Variants in RASL12 observed in about 807,000 individuals in gnomAD.
RASL12 encodes the protein RAS like family 12.
A neutral mutation model predicts 22.9 loss-of-function variants in RASL12; 16 were observed. The observed-to-expected ratio is 0.70, with a 90% CI of 0.47 to 1.06. RASL12 has a LOEUF of 1.06. RASL12 is among the 50% of genes least tolerant of loss of function. The pLI is 0.00. For missense variants in RASL12, 306 were observed against 353.1 expected (o/e 0.87, Z 1.07); for synonymous variants, 159 against 152.2 (o/e 1.04, Z -0.33).
intron 1 of RASL12, chr15:65,076,439 G>A (rs1271576704): frequency 3.4e-6 from 2 of 580,186 alleles, no homozygotes; most frequent in Non-Finnish European, 6.1e-6. Flanking sequence ...GCGAGACCAT[G>A]AACCCACCAG....
At chr15:65,067,681 C>T (rs925254399) in intron 1 of RASL12, 52 bp downstream of exon 1, 9 of 1,499,244 alleles carry the variant, frequency 6.0e-6, no homozygotes, top group Admixed American at 2.1e-5. Context: ...ACTGTCCCCC[C>T]ACCCACGCCC....
intron 3 of RASL12, among the ~76,000 whole-genome samples, 190 bp from the exon 4 acceptor site, chr15:65,058,807 C>T (rs1006737931): frequency 1.3e-5 from 2 of 152,272 alleles, no homozygotes; most frequent in African/African-American, 4.8e-5. Flanking sequence ...ATGAACCTCC[C>T]TCCCACCACC....
At chr15:65,058,335 C>A in intron 4 of RASL12, 92 bp downstream of exon 4, 1 of 1,063,460 alleles carries the variant, frequency 9.4e-7, no homozygotes, top group South Asian at 2.5e-5. Context: ...GATGACTGTT[C>A]TTAGCAGCCC....
upstream of RASL12, among the ~76,000 whole-genome samples, chr15:65,072,338 G>A (rs1372789088): frequency 1.3e-5 from 2 of 152,242 alleles, no homozygotes; most frequent in Non-Finnish European, 2.9e-5. Flanking sequence ...TCACTGCTTT[G>A]ATGGAGTGAA....
chr15:65,046,071 A>G, the RASL12 span, among the ~76,000 whole-genome samples: 2 of 128,568 alleles, frequency 1.6e-5, no homozygotes, highest in Admixed American at 1.7e-4. Context: ...AGGCCGAGGC[A>G]GATGGATCAC....
chr15:65,049,941 C>A, downstream of RASL12: 1 of 1,347,262 alleles, frequency 7.4e-7, no homozygotes, highest in Non-Finnish European at 1.0e-6. Flanking sequence ...CCGAGGAGGC[C>A]AGGAGGGCTG....
chr15:65,062,602 AC>A (rs1028003061), intron 2 of RASL12, among the ~76,000 whole-genome samples: 14 of 151,642 alleles, frequency 9.2e-5, no homozygotes, highest in African/African-American at 3.4e-4. Context: ...AAAATTTACC[AC>A]CCCCCCAGTT....
downstream of RASL12, among the ~76,000 whole-genome samples, chr15:65,048,530 G>T (rs957833706): frequency 1.3e-5 from 2 of 152,178 alleles, no homozygotes; most frequent in Non-Finnish European, 2.9e-5. Flanking sequence ...AGTGTGAGGG[G>T]ACCTGAGAAT....
Position 65,067,775 on chromosome 15 carries a change from C to T in RASL12, c.61G>A (p.Val21Ile). The T allele has an allele frequency of 6.3e-7, 1 of 1,581,786 alleles. No homozygotes were observed. Among genetic ancestry groups the T allele is most frequent in the Non-Finnish European group, 8.6e-7 (1 of 1,166,708 alleles). ...CGGCGCCCCAGGATGGCCAGGTTGA[C>T]CTCGAGGGGCGCGCTCTGAGGCCCG... is the stretch of plus-strand genomic sequence containing the variant. The part of the protein sequence containing the change: ...GSGPQSAPLE[V>I]NLAILGRRGA... The change falls in exon 1 of 5, where the codon GTC becomes ATC. Residue 21 changes from valine to isoleucine, a missense_variant. Transcript: ENST00000220062.
At chr15:65,049,009 C>CAAA (rs67842486), downstream of RASL12, among the ~76,000 whole-genome samples, 42 of 94,206 alleles carry the variant, frequency 4.5e-4, 1 homozygote, top group African/African-American at 1.5e-3. Flanking sequence ...GACTCCGTCT[C>CAAA]AAAAAAAAAA....
chr15:65,067,890 G>T lies in RASL12; in HGVS notation c.-55C>A. ...GCGGCCGGTGGGCCCCGCGCAGTGCGCCCGCCCGTCGGGGCCCAGGGGAGC... is the reference window on the plus strand; with the variant it reads ...GCGGCCGGTGGGCCCCGCGCAGTGCTCCCGCCCGTCGGGGCCCAGGGGAGC... On this transcript the variant is annotated 5_prime_UTR_variant, in exon 1 of 5. Coordinates refer to ENST00000220062, the MANE Select transcript of RASL12 (RefSeq NM_016563.4). 1 of 1,380,530 alleles carries T rather than the reference G, an allele frequency of 7.2e-7. No homozygotes were observed. 85.5% of individuals were successfully genotyped at this position (1,380,530 alleles called of 1,614,324 possible).
rs2086697855 is a variant in RASL12 at position 65,054,348 on chromosome 15, T to C, written c.*551A>G. 3.0e-6 allele frequency: 3 copies of C among 985,768 alleles called. No individual in the cohort carries two copies. In the South Asian group the frequency reaches 1.4e-4, roughly 46 times the overall value. 61.1% of individuals were successfully genotyped at this position (985,768 alleles called of 1,614,324 possible). The stretch of plus-strand genomic sequence containing the variant: ...TTGGATTATTTTAACTAGATTTTCC[T>C]TGGATAAACTGTGGGGTTTGTAGCC... On this transcript the variant is annotated 3_prime_UTR_variant, in exon 5 of 5. Coordinates refer to ENST00000220062, the MANE Select transcript of RASL12 (RefSeq NM_016563.4).
chr15:65,049,963 G>A (rs1360815804), downstream of RASL12: 1 of 1,493,588 alleles, frequency 6.7e-7, no homozygotes, highest in South Asian at 1.2e-5. Flanking sequence ...TGGGGCTAAG[G>A]GGTCTAAGGA....
At chr15:65,064,177 T>C (rs2086848508) in intron 2 of RASL12, among the ~76,000 whole-genome samples, 1 of 152,254 alleles carries the variant, frequency 6.6e-6, no homozygotes, top group Non-Finnish European at 1.5e-5. Context: ...CTATTGTGTA[T>C]GGGAATCCAT....
intron 1 of RASL12, among the ~76,000 whole-genome samples, chr15:65,066,890 C>T (rs912296887): frequency 9.2e-5 from 14 of 152,196 alleles, no homozygotes; most frequent in Non-Finnish European, 1.5e-4. Flanking sequence ...GAAAAACAGC[C>T]AGTGGAGGAC....
In RASL12 at chr15:65,053,739, T is replaced by C. The variant is rs1163079275; in HGVS notation, c.*1160A>G. 2.0e-6 allele frequency: 2 copies of C among 986,684 alleles called. No homozygotes were observed. Among genetic ancestry groups the C allele is most frequent in the East Asian group, 1.1e-4 (1 of 8,816 alleles). The allele number at this position is 986,684 out of a possible 1,614,324, so 61.1% of individuals were successfully genotyped here. On this transcript the variant is annotated 3_prime_UTR_variant, in exon 5 of 5. Coordinates refer to ENST00000220062, the MANE Select transcript of RASL12 (RefSeq NM_016563.4). ...GCTAAGAGTCTGTGCAAGACTTCCCTGGGACCTGGCGTGTGGTAAACAAAA... is the reference window on the plus strand; with the variant it reads ...GCTAAGAGTCTGTGCAAGACTTCCCCGGGACCTGGCGTGTGGTAAACAAAA...
chr15:65,049,831 A>G, downstream of RASL12: 1 of 462,196 alleles, frequency 2.2e-6, no homozygotes. Context: ...GGAGATCTGG[A>G]TTTGGGCACA....
At chr15:65,053,274 T>C (rs1415383496), downstream of RASL12, 48 of 1,450,594 alleles carry the variant, frequency 3.3e-5, no homozygotes, top group Non-Finnish European at 4.3e-5. Flanking sequence ...GCTTTTTTCT[T>C]TTTCTTTCTT....
At chr15:65,058,995 G>C (rs2086769778) in intron 3 of RASL12, among the ~76,000 whole-genome samples, 1 of 152,216 alleles carries the variant, frequency 6.6e-6, no homozygotes, top group Non-Finnish European at 1.5e-5. Flanking sequence ...AGGACATGGG[G>C]GGAGACTTGT....
Sources: allele counts gnomAD v4.1 joint callset (sites outside exome capture counted in the v4.1 genomes callset), GRCh38; gene constraint gnomAD v4.1.1; transcripts MANE v1.5; gene names NCBI Gene and HGNC (gene_info 2026-07-23, HGNC 2026-07-21).